Variants in ANO2 observed in about 807,000 individuals in gnomAD.
ANO2 encodes anoctamin-2.
A neutral mutation model predicts 124.2 loss-of-function variants in ANO2; 101 were observed. That is an observed-to-expected ratio of 0.81 (90% confidence interval 0.69 to 0.96). The LOEUF is 0.96. Among genes scored for constraint, ANO2 ranks in the 40% least tolerant of loss-of-function variants. ANO2 has a pLI of 0.00. For missense variants in ANO2, 1,293 were observed against 1,274.5 expected (o/e 1.01, Z -0.22); for synonymous variants, 486 against 482.5 (o/e 1.01, Z -0.09).
chr12:5,772,294 A>T (rs1184124677), intron 10 of ANO2, among the ~76,000 whole-genome samples: 1 of 152,230 alleles, frequency 6.6e-6, no homozygotes, highest in East Asian at 1.9e-4. Flanking sequence ...GTTAAAAGGG[A>T]AGGGAGTTAT....
rs189678384 is a variant in ANO2 at position 5,921,214 on chromosome 12, G to T, written c.360C>A (p.Gly120=). 30 of 1,613,940 alleles carry T rather than the reference G, an allele frequency of 1.9e-5. No homozygotes were observed. In the Admixed American group the frequency reaches 2.2e-4, roughly 12 times the overall value. The stretch of plus-strand genomic sequence containing the variant: ...CATTGGAGACGATAGCCAGCGAGTG[G>T]CCAGGGAAGCCTTGGGCCAGGTGCA... ...RGVHLAQGFP[G]HSLAIVSNGE... is the part of the protein sequence containing the mutation. Residue 120 remains glycine, a synonymous_variant, in exon 3 of 25, where the codon GGC becomes GGA. Coordinates refer to ENST00000682330, the MANE Select transcript of ANO2 (RefSeq NM_001364791.2).
chr12:5,946,084 A>AT (rs1943088280), upstream of ANO2: 3 of 1,572,934 alleles, frequency 1.9e-6, no homozygotes, highest in Admixed American at 1.7e-5. This position sits in a 1 kb window ranked among gnomAD's most constrained non-coding sequence, Gnocchi z 4.1. Flanking sequence ...AAGTTCATTA[A>AT]TACCATGGAC....
rs201411864 is a variant in ANO2, at chr12:5,603,448, A to AAATAAATAATTTACTC, written c.2088-3835_2088-3820dup. ...GATGTGTAAACTAACTTAATTTACT[A>AAATAAATAATTTACTC]AATAAATAATTTACTCTTACTATTT... On this transcript the variant is annotated intron_variant, in intron 19 of 24. Transcript: ENST00000682330. 8.0e-3 allele frequency among the ~76,000 whole-genome samples: 1,215 copies of AAATAAATAATTTACTC among 152,348 alleles called. 29 individuals are homozygous for AAATAAATAATTTACTC. Among genetic ancestry groups the AAATAAATAATTTACTC allele is most frequent in the African/African-American group, 0.028 (1,156 of 41,570 alleles).
intron 7 of ANO2, among the ~76,000 whole-genome samples, chr12:5,809,326 AGC>A (rs1309973208): frequency 7.5e-6 from 1 of 133,246 alleles, no homozygotes; most frequent in African/African-American, 3.2e-5. Context: ...TGTAGTTAAA[AGC>A]TAAAGCTACA....
intron 12 of ANO2, among the ~76,000 whole-genome samples, chr12:5,743,396 C>T (rs1193553103): frequency 3.9e-5 from 6 of 152,110 alleles, no homozygotes; most frequent in African/African-American, 1.4e-4. Flanking sequence ...TTCTAATACT[C>T]ATGGGTGTGT....
At chr12:5,866,046 C>T (rs751105587) in intron 3 of ANO2, among the ~76,000 whole-genome samples, 10 of 152,214 alleles carry the variant, frequency 6.6e-5, no homozygotes, top group South Asian at 4.1e-4. Flanking sequence ...CAGAATTGAT[C>T]CCATCCCAAA....
At chr12:5,842,841 C>T (rs748521393) in intron 4 of ANO2, among the ~76,000 whole-genome samples, 3 of 152,192 alleles carry the variant, frequency 2.0e-5, no homozygotes, top group Non-Finnish European at 4.4e-5. Context: ...TCTCAGGTTC[C>T]TCACAGGAAC....
Position 5,908,864 on chromosome 12 carries a change from T to C in ANO2, c.534+12176A>G, listed in dbSNP as rs1940866810. Among the ~76,000 whole-genome samples, 1 of 152,190 alleles carries C rather than the reference T, an allele frequency of 6.6e-6. No individual in the cohort carries two copies. Among genetic ancestry groups the C allele is most frequent in the Admixed American group, 6.5e-5 (1 of 15,280 alleles). The stretch of plus-strand genomic sequence containing the variant: ...GCAGGGAATAAGTGGGGTGCACCAT[T>C]GCTTGTATTGGTGCCTGAATGTAAA... On this transcript the variant is annotated intron_variant, in intron 3 of 24. Transcript: ENST00000682330. This position sits in a 1 kb window ranked among gnomAD's most constrained non-coding sequence, Gnocchi z 4.7.
At chr12:5,659,328 AG>A (rs1245135095) in intron 14 of ANO2, among the ~76,000 whole-genome samples, 1 of 152,086 alleles carries the variant, frequency 6.6e-6, no homozygotes, top group Non-Finnish European at 1.5e-5. Context: ...AGCCTCCCAT[AG>A]CTCCTGTCAC....
intron 20 of ANO2, among the ~76,000 whole-genome samples, chr12:5,592,178 T>A (rs1481428130): frequency 6.6e-6 from 1 of 152,160 alleles, no homozygotes; most frequent in Non-Finnish European, 1.5e-5. Flanking sequence ...TCTCTACCAA[T>A]GAAGGAAAAG....
intron 7 of ANO2, among the ~76,000 whole-genome samples, chr12:5,812,021 A>G (rs562435056): frequency 7.8e-6 from 1 of 127,866 alleles, no homozygotes; most frequent in South Asian, 2.8e-4. Context: ...TTTAAACACC[A>G]CCCCCCAAAA....
chr12:5,807,913 CG>C (rs1316871469), intron 7 of ANO2, among the ~76,000 whole-genome samples: 1 of 152,156 alleles, frequency 6.6e-6, no homozygotes, highest in African/African-American at 2.4e-5. Flanking sequence ...ATGAGGCTTT[CG>C]GGGGTCCCTG....
intron 6 of ANO2, among the ~76,000 whole-genome samples, chr12:5,828,514 G>A (rs969992378): frequency 2.6e-5 from 4 of 152,104 alleles, no homozygotes. Context: ...TTTTTCCTGG[G>A]TCCTCATCTT....
At chr12:5,767,027 G>A (rs146284745) in intron 10 of ANO2, among the ~76,000 whole-genome samples, 1 of 152,338 alleles carries the variant, frequency 6.6e-6, no homozygotes, top group East Asian at 1.9e-4. Flanking sequence ...TTGAGCAGGA[G>A]ATGATTACCA....
At chr12:5,571,387 A>T (rs1032157907) in intron 23 of ANO2, among the ~76,000 whole-genome samples, 1 of 152,254 alleles carries the variant, frequency 6.6e-6, no homozygotes, top group East Asian at 1.9e-4. Context: ...CTGGGAATGC[A>T]TCTCAAACGG....
intron 13 of ANO2, among the ~76,000 whole-genome samples, chr12:5,738,692 G>A (rs1950973078): frequency 6.6e-6 from 1 of 152,082 alleles, no homozygotes; most frequent in Non-Finnish European, 1.5e-5. Flanking sequence ...GCCCATCATC[G>A]GCTCACCAGC....
At chr12:5,744,399 C>A in intron 11 of ANO2, 82 bp from the exon 12 acceptor site, 2 of 1,497,332 alleles carry the variant, frequency 1.3e-6, no homozygotes, top group Non-Finnish European at 9.2e-7. Context: ...AAATAGCTCC[C>A]ATTTCCAAAT....
At position 5,658,544 on chromosome 12, in the gene ANO2, T is replaced by A. The variant is rs1459620390; in HGVS notation, c.1546-10743A>T. On this transcript the variant is annotated intron_variant, in intron 14 of 24. Transcript: ENST00000682330. The surrounding 1 kb of genome is among the most constrained non-coding windows in gnomAD (Gnocchi z 4.3). ...CAACATCAATATCATCGTATCAAAA[T>A]CAATATAATCACCAACATCAATATT... 6.6e-6 allele frequency among the ~76,000 whole-genome samples: 1 copy of A among 151,932 alleles called. No homozygotes were observed. The highest frequency in any genetic ancestry group is 1.5e-5 in the Non-Finnish European group (1 of 68,026).
Position 5,790,553 on chromosome 12 carries a change from G to A in ANO2, c.1055+8954C>T, listed in dbSNP as rs1337839300. ...TCTCTCCTTCAAATCTCTGCTTCCTGCTTAAAACTCATCTATGTCGTAAGT... is the reference window on the plus strand; with the variant it reads ...TCTCTCCTTCAAATCTCTGCTTCCTACTTAAAACTCATCTATGTCGTAAGT... On this transcript the variant is annotated intron_variant, in intron 10 of 24. Transcript: ENST00000682330. Among the ~76,000 whole-genome samples the A allele has an allele frequency of 3.3e-5, 5 of 152,030 alleles. No individual in the cohort carries two copies. In the East Asian group the frequency reaches 9.6e-4, roughly 29 times the overall value.
Sources: gnomAD v4.1 joint callset for allele counts (sites outside exome capture counted in the v4.1 genomes callset) on GRCh38, gnomAD v4.1.1 for gene constraint, Gnocchi (gnomAD v3.1) non-coding constraint, MANE v1.5 for transcripts, NCBI Gene and HGNC (gene_info 2026-07-23, HGNC 2026-07-21) for gene names.